Variants in IL13RA1 observed in about 807,000 individuals in gnomAD.
IL13RA1 encodes the protein interleukin-13 receptor subunit alpha-1.
In IL13RA1, 14 loss-of-function variants were observed where a neutral mutation model predicts 33.8. The ratio of observed to expected loss-of-function variants is 0.41; its 90% CI spans 0.27 to 0.65. The LOEUF (loss-of-function observed/expected upper bound fraction) is 0.65, where lower values mean the gene tolerates loss of function less well. Among genes scored for constraint, IL13RA1 ranks in the 30% least tolerant of loss-of-function variants. The pLI is 0.28. For synonymous variants in IL13RA1, 116 were observed against 115.7 expected, an observed-to-expected ratio of 1.00 and a Z score of -0.02; for missense variants, 313 against 327.0, an observed-to-expected ratio of 0.96 and a Z score of 0.33.
At chrX:118,754,748 C>T (rs1383195488) in intron 4 of IL13RA1, among the ~76,000 whole-genome samples, 2 of 110,156 alleles carry the variant, frequency 1.8e-5, no homozygotes, top group African/African-American at 6.6e-5. Flanking sequence ...TAGTACCTAA[C>T]CCATATCTCC....
At chrX:118,787,194 A>G (rs1366810494) in intron 10 of IL13RA1, among the ~76,000 whole-genome samples, 5 of 111,583 alleles carry the variant, frequency 4.5e-5, no homozygotes, top group Non-Finnish European at 7.5e-5. Context: ...CCTAAGTGTC[A>G]GCCGGTCTGA....
chrX:118,747,976 T>G (rs1175086006), intron 3 of IL13RA1, among the ~76,000 whole-genome samples: 1 of 103,049 alleles, frequency 9.7e-6, no homozygotes, highest in Non-Finnish European at 2.0e-5. Flanking sequence ...TGTGAGGTAC[T>G]TAGAATAGTG....
At chrX:118,783,754 T>TCACA (rs1215009289) in intron 10 of IL13RA1, among the ~76,000 whole-genome samples, 1 of 13,949 alleles carries the variant, frequency 7.2e-5, no homozygotes, top group Non-Finnish European at 1.0e-4. Context: ...AAAATCCATA[T>TCACA]TACACACACA....
intron 3 of IL13RA1, among the ~76,000 whole-genome samples, chrX:118,747,360 C>T (rs1456210021): frequency 9.2e-6 from 1 of 109,197 alleles, no homozygotes; most frequent in Non-Finnish European, 1.9e-5. Flanking sequence ...CGCGCGCGCA[C>T]ACACACACTC....
chrX:118,750,460 T>C (rs1421518855), intron 4 of IL13RA1, among the ~76,000 whole-genome samples: 1 of 111,543 alleles, frequency 9.0e-6, no homozygotes, highest in African/African-American at 3.3e-5. Context: ...GCCACTCCTT[T>C]TTATAGCTCA....
At chrX:118,743,566 C>T (rs773363734) in intron 2 of IL13RA1, among the ~76,000 whole-genome samples, 1 of 111,790 alleles carries the variant, frequency 8.9e-6, no homozygotes, top group Admixed American at 9.5e-5. Flanking sequence ...GGGCAAGTCC[C>T]ATTAGGCAAA....
chrX:118,745,154 T>C (rs1405455020), intron 2 of IL13RA1, among the ~76,000 whole-genome samples: 3 of 112,218 alleles, frequency 2.7e-5, no homozygotes, highest in African/African-American at 9.7e-5. Context: ...AATGGAATGG[T>C]AATGGTGAAG....
At chrX:118,779,145 G>GTATA (rs1250590987) in intron 10 of IL13RA1, among the ~76,000 whole-genome samples, 1 of 111,965 alleles carries the variant, frequency 8.9e-6, no homozygotes, top group East Asian at 2.8e-4. Context: ...GGCATGTCTT[G>GTATA]TATATATTAA....
At position 118,747,039 on chromosome X, in the gene IL13RA1, A is replaced by G. The variant is rs780229329; in HGVS notation, c.314A>G (p.Asn105Ser). ...CAAGTGGGGTCCCAGTGTAGCACCA[A>G]TGAGAGTGAGAAGCCTAGCATTTTG... Reference protein sequence around the residue: ...CLQVGSQCSTNESEKPSILVE... With the variant: ...CLQVGSQCSTSESEKPSILVE... Residue 105 changes from asparagine to serine, a missense_variant, in exon 3 of 11, where the codon AAT (asparagine) becomes AGT (serine). By Grantham distance (46) the Asn-to-Ser change is conservative. Coordinates refer to ENST00000371666, the MANE Select transcript of IL13RA1 (RefSeq NM_001560.3). 6.0e-6 allele frequency: 7 copies of G among 1,162,949 alleles called. No homozygotes were observed. The highest frequency in any genetic ancestry group is 3.0e-5 in the East Asian group (1 of 33,527).
chrX:118,745,389 G>C (rs1188631059), intron 2 of IL13RA1, among the ~76,000 whole-genome samples: 2 of 102,352 alleles, frequency 2.0e-5, no homozygotes, highest in African/African-American at 6.7e-5. Context: ...TCTTTTTCCT[G>C]CCTGTCAGGA....
In IL13RA1 at chrX:118,731,153, C is replaced by T. The variant is rs373871415; in HGVS notation, c.88+3427C>T. ...GACATACTTGGGTCCCTTCCTACTC[C>T]CTTTTCTGAAGTCAGTGGTGCAATC... On this transcript the variant is annotated intron_variant, in intron 1 of 10. Coordinates refer to ENST00000371666, the MANE Select transcript of IL13RA1 (RefSeq NM_001560.3). 1.2e-4 allele frequency among the ~76,000 whole-genome samples: 14 copies of T among 112,013 alleles called. 1 individual carries two copies. In the East Asian group the frequency reaches 3.1e-3, roughly 25 times the overall value.
downstream of IL13RA1, among the ~76,000 whole-genome samples, chrX:118,797,054 A>G (rs1046742962): frequency 2.7e-5 from 3 of 111,984 alleles, no homozygotes; most frequent in African/African-American, 9.8e-5. Context: ...CTGTTTCCCT[A>G]TCTGTAAAAT....
intron 10 of IL13RA1, among the ~76,000 whole-genome samples, chrX:118,791,358 C>A (rs981329363): frequency 3.6e-5 from 4 of 111,226 alleles, no homozygotes; most frequent in Non-Finnish European, 7.5e-5. Flanking sequence ...ACTTTTTGAA[C>A]CTATTATGTC....
At position 118,761,197 on chromosome X, in the gene IL13RA1, C is replaced by A; in HGVS notation, c.736C>A (p.Gln246Lys). 1.0e-6 allele frequency: 1 copy of A among 993,569 alleles called. No homozygotes were observed. The highest frequency in any genetic ancestry group is 1.4e-6 in the Non-Finnish European group (1 of 703,446). The allele number at this position is 993,569 out of a possible 1,213,427, so 81.9% of individuals were successfully genotyped here. A position where few individuals can be genotyped will look rare whatever the true frequency, so the allele number is the denominator to read the frequency against. The stretch of plus-strand genomic sequence containing the variant: ...CTTCCACAATGATGACCTATATGTG[C>A]AATGGGAGAATCCACAGAATTTTAT... ...LSFHNDDLYV[Q>K]WENPQNFISR... The change falls in exon 6 of 11, where the codon CAA becomes AAA. Residue 246 changes from glutamine (Q) to lysine (K), a missense_variant. Physicochemically the swap from Gln to Lys is moderately conservative, Grantham distance 53. Coordinates refer to ENST00000371666, the MANE Select transcript of IL13RA1 (RefSeq NM_001560.3).
chrX:118,745,468 T>G (rs771073619), intron 2 of IL13RA1, among the ~76,000 whole-genome samples: 13 of 111,911 alleles, frequency 1.2e-4, no homozygotes, highest in African/African-American at 4.2e-4. Context: ...AGTACTGTCT[T>G]GACTGGACCT....
At chrX:118,804,787 A>G in the IL13RA1 span, among the ~76,000 whole-genome samples, 11,862 of 111,871 alleles carry the variant, frequency 0.11, 526 homozygotes, top group African/African-American at 0.16. Context: ...CCACTGGGAA[A>G]TATACAGACC....
At position 118,766,536 on chromosome X, in the gene IL13RA1, G is replaced by A. The variant is rs763322937; in HGVS notation, c.835G>A (p.Glu279Lys). The change falls in exon 7 of 11, where the codon GAG becomes AAG. Residue 279 changes from glutamate (E) to lysine (K), a missense_variant. Glu to Lys is a moderately conservative substitution (Grantham distance 56). Transcript: ENST00000371666. ...TETHNVFYVQ[E>K]AKCENPEFER... ...ATTTATTTTTATTTTCAAGGTCCAA[G>A]AGGCTAAATGTGAGAATCCAGAATT... 1.5e-5 allele frequency: 15 copies of A among 1,007,201 alleles called. No individual in the cohort carries two copies. In the East Asian group the frequency reaches 3.4e-4, roughly 23 times the overall value. 83.0% of individuals were successfully genotyped at this position (1,007,201 alleles called of 1,213,427 possible).
intron 3 of IL13RA1, among the ~76,000 whole-genome samples, chrX:118,747,357 GCACA>G (rs983597918): frequency 4.6e-5 from 5 of 108,402 alleles, no homozygotes; most frequent in Non-Finnish European, 9.6e-5. Context: ...GCACGCGCGC[GCACA>G]CACACACTCA....
chrX:118,739,322 GTGTC>G (rs934645233), intron 1 of IL13RA1, among the ~76,000 whole-genome samples: 12 of 111,813 alleles, frequency 1.1e-4, no homozygotes, highest in African/African-American at 3.6e-4. Flanking sequence ...CAACTACAGA[GTGTC>G]TGTGAGTTTG....
Sources: gnomAD v4.1 joint callset for allele counts (sites outside exome capture counted in the v4.1 genomes callset) on GRCh38, gnomAD v4.1.1 for gene constraint, MANE v1.5 for transcripts, NCBI Gene and HGNC (gene_info 2026-07-23, HGNC 2026-07-21) for gene names.